The following INTS4 variants were observed in gnomAD, a reference collection of about 807,000 sequenced individuals.
The protein encoded by INTS4 is integrator complex subunit 4.
A neutral mutation model predicts 119.5 loss-of-function variants in INTS4; 70 were observed. That is an observed-to-expected ratio of 0.59 (90% CI 0.48 to 0.71). The LOEUF is 0.71. Among genes scored for constraint, INTS4 ranks in the 30% least tolerant of loss-of-function variants. The pLI is 0.00. For missense variants in INTS4, 867 were observed against 1,173.2 expected (o/e 0.74, Z 3.81); for synonymous variants, 316 against 419.6 (o/e 0.75, Z 3.02).
intron 8 of INTS4, among the ~76,000 whole-genome samples, chr11:77,952,279 T>C (rs1954215185): frequency 6.6e-6 from 1 of 152,160 alleles, no homozygotes; most frequent in Non-Finnish European, 1.5e-5. Flanking sequence ...AGGAAAGGAT[T>C]ATACGTGGGC....
chr11:77,990,156 T>C (rs1359130780), intron 2 of INTS4, among the ~76,000 whole-genome samples: 2 of 148,926 alleles, frequency 1.3e-5, no homozygotes, highest in African/African-American at 2.5e-5. Context: ...GAGACGGAGG[T>C]TGCAGTGAGC....
chr11:77,877,850 C>T (rs1340562320), downstream of INTS4, among the ~76,000 whole-genome samples: 1 of 151,956 alleles, frequency 6.6e-6, no homozygotes, highest in Non-Finnish European at 1.5e-5. Context: ...ATCCCAAAGT[C>T]CTGGGATTAT....
At chr11:77,905,597 A>T (rs1952925421) in intron 16 of INTS4, among the ~76,000 whole-genome samples, 1 of 152,256 alleles carries the variant, frequency 6.6e-6, no homozygotes, top group African/African-American at 2.4e-5. Flanking sequence ...CAAAATGTTG[A>T]AACTTCCTCG....
intron 14 of INTS4, among the ~76,000 whole-genome samples, chr11:77,920,722 G>C (rs1397685256): frequency 6.6e-6 from 1 of 151,686 alleles, no homozygotes; most frequent in South Asian, 2.1e-4. Flanking sequence ...CGTGGTGGCA[G>C]GCGCCTGTAG....
At chr11:77,880,924 AAAACAAACAAAC>A (rs532440350) in intron 22 of INTS4, among the ~76,000 whole-genome samples, 19 of 152,142 alleles carry the variant, frequency 1.2e-4, no homozygotes, top group African/African-American at 4.6e-4. Context: ...ACCCTGTCTC[AAAACAAACAAAC>A]AAACAAACAA....
chr11:77,887,373 C>T (rs558318446), intron 21 of INTS4, among the ~76,000 whole-genome samples: 2 of 152,210 alleles, frequency 1.3e-5, no homozygotes, highest in East Asian at 3.9e-4. Context: ...AATTCAACAA[C>T]CTTCATGCTA....
At chr11:77,956,840 GA>G (rs1430569915) in intron 7 of INTS4, among the ~76,000 whole-genome samples, 3 of 151,976 alleles carry the variant, frequency 2.0e-5, no homozygotes, top group African/African-American at 7.3e-5. Flanking sequence ...ACACAAAAAT[GA>G]TAATTGAATA....
At chr11:77,953,486 G>A (rs1954243932) in intron 8 of INTS4, among the ~76,000 whole-genome samples, 1 of 151,972 alleles carries the variant, frequency 6.6e-6, no homozygotes, top group Non-Finnish European at 1.5e-5. Flanking sequence ...AGGAAACTGA[G>A]ACTAATATCA....
At chr11:77,883,444 T>A (rs1951870645) in intron 22 of INTS4, among the ~76,000 whole-genome samples, 1 of 152,180 alleles carries the variant, frequency 6.6e-6, no homozygotes, top group Non-Finnish European at 1.5e-5. Context: ...GGTTGAGAAT[T>A]ATTATTGTCA....
chr11:77,929,646 T>A (rs1178838236), intron 10 of INTS4, among the ~76,000 whole-genome samples: 1 of 152,142 alleles, frequency 6.6e-6, no homozygotes, highest in African/African-American at 2.4e-5. Flanking sequence ...GGTCTGTTGA[T>A]TGTAGGCTAA....
downstream of INTS4, among the ~76,000 whole-genome samples, chr11:77,878,234 C>T (rs1409795588): frequency 3.3e-5 from 5 of 152,096 alleles, no homozygotes; most frequent in South Asian, 2.1e-4. Context: ...TGGTGACAGG[C>T]GCCTGTAGTC....
chr11:77,989,707 T>A (rs895916485), intron 2 of INTS4, among the ~76,000 whole-genome samples: 15 of 134,062 alleles, frequency 1.1e-4, no homozygotes, highest in Admixed American at 4.8e-4. Context: ...CTGTGCAACA[T>A]AGCAAAGCCC....
chr11:77,879,546 G>C (rs1328409098), intron 22 of INTS4, among the ~76,000 whole-genome samples: 3 of 152,196 alleles, frequency 2.0e-5, no homozygotes, highest in Non-Finnish European at 4.4e-5. Flanking sequence ...ATGTACCACA[G>C]ACTACTTTAT....
intron 10 of INTS4, among the ~76,000 whole-genome samples, chr11:77,930,767 C>T (rs565692421): frequency 6.6e-6 from 1 of 152,152 alleles, no homozygotes; most frequent in African/African-American, 2.4e-5. Flanking sequence ...ATCACTTGAG[C>T]CCAGGAGTTC....
intron 10 of INTS4, among the ~76,000 whole-genome samples, chr11:77,929,193 A>G (rs1285920395): frequency 3.9e-5 from 6 of 152,094 alleles, no homozygotes; most frequent in Non-Finnish European, 1.5e-5. Context: ...ATATATATAT[A>G]TAAAGTAACT....
chr11:77,962,049 A>C (rs1330246662), intron 4 of INTS4, among the ~76,000 whole-genome samples: 2 of 152,254 alleles, frequency 1.3e-5, no homozygotes, highest in Non-Finnish European at 2.9e-5. Flanking sequence ...ACAGTAGCTC[A>C]TGCCTATAAT....
intron 2 of INTS4, among the ~76,000 whole-genome samples, chr11:77,983,083 C>T (rs1253209337): frequency 6.6e-6 from 1 of 152,162 alleles, no homozygotes; most frequent in Non-Finnish European, 1.5e-5. Flanking sequence ...GGATTCACTA[C>T]ACAACAGCTG....
chr11:77,955,897 T>C (rs1322317517), intron 8 of INTS4, 45 bp downstream of exon 8: 2 of 1,536,570 alleles, frequency 1.3e-6, no homozygotes, highest in African/African-American at 2.8e-5. Flanking sequence ...GAAAAGAAAA[T>C]AAATATATAC....
chr11:77,974,852 T>C (rs1216121715), intron 4 of INTS4, among the ~76,000 whole-genome samples: 1 of 152,106 alleles, frequency 6.6e-6, no homozygotes, highest in African/African-American at 2.4e-5. Flanking sequence ...CCTCCTGCCT[T>C]GACCTCTCCA....
Sources: allele counts gnomAD v4.1 joint callset (sites outside exome capture counted in the v4.1 genomes callset), GRCh38; gene constraint gnomAD v4.1.1; transcripts MANE v1.5; gene names NCBI Gene and HGNC (gene_info 2026-07-23, HGNC 2026-07-21).